Variants in MVB12B observed in about 807,000 individuals in gnomAD.
MVB12B encodes the protein multivesicular body subunit 12B, also known as ESCRT-I complex subunit MVB12B.
A neutral mutation model predicts 41.6 loss-of-function variants in MVB12B; 16 were observed. That is an observed-to-expected ratio of 0.38 (90% CI 0.26 to 0.58). The LOEUF is 0.58. Ranked by LOEUF, MVB12B falls within the 20% of genes least tolerant of loss-of-function variation. MVB12B has a pLI of 0.62. For synonymous variants in MVB12B, 133 were observed against 139.7 expected, an observed-to-expected ratio of 0.95 and a Z score of 0.34; for missense variants, 274 against 380.2, an observed-to-expected ratio of 0.72 and a Z score of 2.32.
At chr9:126,456,453 A>C (rs183459992) in intron 7 of MVB12B, among the ~76,000 whole-genome samples, 3 of 152,392 alleles carry the variant, frequency 2.0e-5, no homozygotes, top group Non-Finnish European at 2.9e-5. Context: ...TATATGTTAC[A>C]TCATTGCTAA....
chr9:126,421,994 G>A (rs759800210), intron 7 of MVB12B, 46 bp downstream of exon 7: 187 of 1,374,574 alleles, frequency 1.4e-4, no homozygotes, highest in Admixed American at 3.1e-4. Flanking sequence ...TCTGTGTCCC[G>A]GGCGCCACCT....
At chr9:126,429,822 G>A (rs1832282520) in intron 7 of MVB12B, among the ~76,000 whole-genome samples, 2 of 152,182 alleles carry the variant, frequency 1.3e-5, no homozygotes, top group South Asian at 4.1e-4. Context: ...CCTCCTGGAG[G>A]TTTTCTGCAG....
chr9:126,368,842 G>C (rs1830257212), intron 2 of MVB12B, among the ~76,000 whole-genome samples: 1 of 152,176 alleles, frequency 6.6e-6, no homozygotes, highest in Admixed American at 6.5e-5. Context: ...TTTTTTCTCT[G>C]CATTTATATG....
In MVB12B at chr9:126,386,687, C is replaced by G. The variant is rs1830804626; in HGVS notation, c.409+29C>G. 2 of 1,484,552 alleles carry G rather than the reference C, an allele frequency of 1.3e-6. No individual in the cohort carries two copies. 92.0% of individuals were successfully genotyped at this position (1,484,552 alleles called of 1,614,324 possible). On this transcript the variant is annotated intron_variant, in intron 4 of 9. Transcript: ENST00000361171. This position sits in a 1 kb window ranked among gnomAD's most constrained non-coding sequence, Gnocchi z 4.3. ...AGTCATCCTTTAGTAGCACTCATCACAATGAGCGTTTTCTTCCTCCAGGTA... is the reference window on the plus strand; with the variant it reads ...AGTCATCCTTTAGTAGCACTCATCAGAATGAGCGTTTTCTTCCTCCAGGTA...
intron 6 of MVB12B, among the ~76,000 whole-genome samples, chr9:126,409,325 G>GTGTT (rs980691744): frequency 1.3e-5 from 2 of 151,558 alleles, no homozygotes; most frequent in African/African-American, 4.8e-5. Flanking sequence ...GTGTGTGTGT[G>GTGTT]TGTGTGTGTG....
At chr9:126,393,965 G>A (rs1036199877) in intron 5 of MVB12B, among the ~76,000 whole-genome samples, 5 of 152,384 alleles carry the variant, frequency 3.3e-5, no homozygotes, top group African/African-American at 1.2e-4. Flanking sequence ...GACAGCAGAT[G>A]AGCCCTCGTG....
chr9:126,398,724 G>C, intron 6 of MVB12B, among the ~76,000 whole-genome samples: 1 of 152,246 alleles, frequency 6.6e-6, no homozygotes, highest in South Asian at 2.1e-4. Context: ...CTAGTGGCAG[G>C]CTCTTTCGCC....
chr9:126,450,663 A>G (rs1225910472), intron 7 of MVB12B, among the ~76,000 whole-genome samples: 1 of 152,216 alleles, frequency 6.6e-6, no homozygotes, highest in Admixed American at 6.5e-5. Flanking sequence ...AGAGTGCTTC[A>G]CCCAAACTCT....
At position 126,376,347 on chromosome 9, in the gene MVB12B, G is replaced by A. The variant is rs1830479546; in HGVS notation, c.205-4717G>A. On this transcript the variant is annotated intron_variant, in intron 2 of 9. Transcript: ENST00000361171. This position sits in a 1 kb window ranked among gnomAD's most constrained non-coding sequence, Gnocchi z 4.1. ...GGCACTGTTTCCCCCTATTCTCTTT[G>A]CTACCTTCAAGCTCCCTTTTTTCTA... 2 of 424,374 alleles carry A rather than the reference G, an allele frequency of 4.7e-6. No individual in the cohort carries two copies. The highest frequency in any genetic ancestry group is 9.0e-6 in the Non-Finnish European group (2 of 223,240). The allele number at this position is 424,374 out of a possible 1,614,324, so 26.3% of individuals were successfully genotyped here.
intron 7 of MVB12B, among the ~76,000 whole-genome samples, chr9:126,451,358 G>C (rs1832884910): frequency 2.0e-5 from 3 of 152,204 alleles, no homozygotes; most frequent in Non-Finnish European, 2.9e-5. Flanking sequence ...AGTGCAGAGG[G>C]GACTCTCTCA....
chr9:126,481,627 G>A (rs983428071), intron 8 of MVB12B, among the ~76,000 whole-genome samples: 1 of 152,214 alleles, frequency 6.6e-6, no homozygotes, highest in African/African-American at 2.4e-5. Flanking sequence ...GTTGGGGGGT[G>A]GGTCGTGTGC....
intron 7 of MVB12B, among the ~76,000 whole-genome samples, chr9:126,455,887 C>CTTTTTT (rs3983803): frequency 4.5e-4 from 46 of 103,030 alleles, no homozygotes; most frequent in African/African-American, 8.7e-4. Flanking sequence ...TTCTTTCTTT[C>CTTTTTT]TTTTTTTTTT....
Position 126,333,795 on chromosome 9 carries a change from A to C in MVB12B, c.82-6713A>C, listed in dbSNP as rs1259152762. ...TCAAGAGGAAGGAGGGGGAGACTGG[A>C]GGGCTGATTCTGAGGCTTTTCTCCA... On this transcript the variant is annotated intron_variant, in intron 1 of 9. Transcript: ENST00000361171. This position sits in a 1 kb window ranked among gnomAD's most constrained non-coding sequence, Gnocchi z 4.7. Among the ~76,000 whole-genome samples, 2 of 152,076 alleles carry C rather than the reference A, an allele frequency of 1.3e-5. No individual in the cohort carries two copies. Among genetic ancestry groups the C allele is most frequent in the Non-Finnish European group, 2.9e-5 (2 of 68,014 alleles).
intron 9 of MVB12B, among the ~76,000 whole-genome samples, chr9:126,484,289 CAG>C (rs1263900174): frequency 6.6e-6 from 1 of 152,250 alleles, no homozygotes; most frequent in Non-Finnish European, 1.5e-5. Context: ...ACATGACAGA[CAG>C]AGCCTCAGTT....
chr9:126,351,331 C>G (rs533104618), intron 2 of MVB12B, among the ~76,000 whole-genome samples: 1 of 152,154 alleles, frequency 6.6e-6, no homozygotes, highest in Admixed American at 6.5e-5. Context: ...GGACAACAAT[C>G]TCATCCTTTT....
At chr9:126,461,619 G>T (rs1025077040) in intron 7 of MVB12B, among the ~76,000 whole-genome samples, 1 of 152,216 alleles carries the variant, frequency 6.6e-6, no homozygotes, top group Non-Finnish European at 1.5e-5. Flanking sequence ...GCAATAAAGC[G>T]AAATGTTTTC....
At chr9:126,347,371 T>C (rs1829625803) in intron 2 of MVB12B, among the ~76,000 whole-genome samples, 1 of 152,226 alleles carries the variant, frequency 6.6e-6, no homozygotes, top group African/African-American at 2.4e-5. Context: ...TCCCCCCATG[T>C]CTCTTTCTCT....
At position 126,481,407 on chromosome 9, in the gene MVB12B, T is replaced by A. The variant is rs1833520135; in HGVS notation, c.796T>A (p.Ser266Thr). 1.2e-6 allele frequency: 2 copies of A among 1,613,814 alleles called. No homozygotes were observed. The highest frequency in any genetic ancestry group is 1.7e-6 in the Non-Finnish European group (2 of 1,179,788). The change falls in exon 8 of 10, where the codon TCT becomes ACT. Residue 266 changes from serine (S) to threonine (T), a missense_variant. Ser to Thr is a moderately conservative substitution (Grantham distance 58). Coordinates refer to ENST00000361171, the MANE Select transcript of MVB12B (RefSeq NM_033446.3). Reference protein sequence around the residue: ...GVPFMISEKFSCVPESMQPFD... With the variant: ...GVPFMISEKFTCVPESMQPFD... The stretch of plus-strand genomic sequence containing the variant: ...GCCTTTTATGATTTCAGAGAAGTTT[T>A]CTTGTGTTCCAGAAAGTGTAAGTTT...
intron 2 of MVB12B, among the ~76,000 whole-genome samples, chr9:126,352,648 G>A (rs918207053): frequency 6.6e-6 from 1 of 152,150 alleles, no homozygotes; most frequent in Non-Finnish European, 1.5e-5. Flanking sequence ...TGGTCAGACG[G>A]ATTATTTCAC....
Sources: allele counts gnomAD v4.1 joint callset (sites outside exome capture counted in the v4.1 genomes callset), GRCh38; gene constraint gnomAD v4.1.1; non-coding constraint Gnocchi (gnomAD v3.1); transcripts MANE v1.5; gene names NCBI Gene and HGNC (gene_info 2026-07-23, HGNC 2026-07-21).